The following PPARGC1A variants were observed in gnomAD, a reference collection of about 807,000 sequenced individuals.
PPARGC1A encodes the protein PPARG coactivator 1 alpha.
PPARGC1A carries 25 observed loss-of-function variants against 88.7 expected under a neutral mutation model. That is an observed-to-expected ratio of 0.28 (90% CI 0.21 to 0.39). The LOEUF (loss-of-function observed/expected upper bound fraction) is 0.39, where lower values mean the gene tolerates loss of function less well. Ranked by LOEUF, PPARGC1A falls within the 10% of genes least tolerant of loss-of-function variation. PPARGC1A has a pLI of 1.00. For missense variants in PPARGC1A, 880 were observed against 968.7 expected, an observed-to-expected ratio of 0.91 and a Z score of 1.22; for synonymous variants, 363 against 355.6, an observed-to-expected ratio of 1.02 and a Z score of -0.24.
At chr4:24,318,574 T>A in the PPARGC1A span, among the ~76,000 whole-genome samples, 2 of 152,362 alleles carry the variant, frequency 1.3e-5, no homozygotes, top group African/African-American at 4.8e-5. Context: ...TGAGAATGCC[T>A]ATTCTTAGTC....
At chr4:24,176,104 T>C in the PPARGC1A span, among the ~76,000 whole-genome samples, 1 of 152,212 alleles carries the variant, frequency 6.6e-6, no homozygotes, top group African/African-American at 2.4e-5. Context: ...TCAGAGCTTT[T>C]AGACCAGCGT....
At chr4:23,870,299 T>C (rs908445993) in intron 2 of PPARGC1A, among the ~76,000 whole-genome samples, 2 of 152,222 alleles carry the variant, frequency 1.3e-5, no homozygotes, top group Admixed American at 6.5e-5. Context: ...TTACATATTT[T>C]CCCCACTTTA....
the PPARGC1A span, among the ~76,000 whole-genome samples, chr4:24,136,160 T>C: frequency 6.6e-6 from 1 of 152,180 alleles, no homozygotes; most frequent in African/African-American, 2.4e-5. Flanking sequence ...AGCCAACATA[T>C]GGAGAAGCTG....
At chr4:24,100,516 T>C in the PPARGC1A span, among the ~76,000 whole-genome samples, 1 of 152,154 alleles carries the variant, frequency 6.6e-6, no homozygotes, top group African/African-American at 2.4e-5. Context: ...TTCCACTTAA[T>C]AGTTCAGAAA....
the PPARGC1A span, among the ~76,000 whole-genome samples, chr4:24,440,174 G>A: frequency 1.3e-5 from 2 of 152,202 alleles, no homozygotes; most frequent in Admixed American, 1.3e-4. Flanking sequence ...TATTGTGGTG[G>A]TGATGGTGAA....
intron 10 of PPARGC1A, among the ~76,000 whole-genome samples, chr4:23,805,243 A>AG (rs1719591106): frequency 6.6e-6 from 1 of 151,972 alleles, no homozygotes; most frequent in African/African-American, 2.4e-5. Flanking sequence ...AAAAAAAAAA[A>AG]CCTTGCTCAA....
At chr4:24,236,334 T>C in the PPARGC1A span, among the ~76,000 whole-genome samples, 9 of 152,258 alleles carry the variant, frequency 5.9e-5, no homozygotes, top group Admixed American at 3.9e-4. Context: ...AAGGTAGTCA[T>C]AAAATGGGAC....
the PPARGC1A span, among the ~76,000 whole-genome samples, chr4:24,192,060 G>T: frequency 1.3e-5 from 2 of 152,112 alleles, no homozygotes; most frequent in Non-Finnish European, 2.9e-5. Flanking sequence ...TTATATGTTT[G>T]ATCCATGGCT....
chr4:24,127,135 C>G, the PPARGC1A span, among the ~76,000 whole-genome samples: 1 of 152,164 alleles, frequency 6.6e-6, no homozygotes, highest in Non-Finnish European at 1.5e-5. Flanking sequence ...TTTTGTCTGC[C>G]TCATCAAGAA....
At chr4:23,837,941 G>A (rs1006988833) in intron 2 of PPARGC1A, among the ~76,000 whole-genome samples, 18 of 152,136 alleles carry the variant, frequency 1.2e-4, no homozygotes, top group African/African-American at 3.9e-4. Flanking sequence ...TGGTTCTGAT[G>A]CATAAAGTTT....
the PPARGC1A span, among the ~76,000 whole-genome samples, chr4:24,141,058 C>T: frequency 1.3e-5 from 2 of 152,198 alleles, no homozygotes; most frequent in Admixed American, 1.3e-4. Context: ...CAAACACAGG[C>T]TTCGAACAGC....
At chr4:24,461,478 A>C in the PPARGC1A span, among the ~76,000 whole-genome samples, 6 of 152,220 alleles carry the variant, frequency 3.9e-5, no homozygotes, top group Non-Finnish European at 8.8e-5. Flanking sequence ...AGAGAAAGAA[A>C]GAGGGAGAGA....
chr4:24,385,982 G>A, the PPARGC1A span, among the ~76,000 whole-genome samples: 21 of 152,180 alleles, frequency 1.4e-4, no homozygotes, highest in Admixed American at 9.8e-4. Flanking sequence ...ACATCAGTGC[G>A]AAAATTCTCA....
chr4:23,911,283 A>C, the PPARGC1A span, among the ~76,000 whole-genome samples: 1 of 152,182 alleles, frequency 6.6e-6, no homozygotes, highest in East Asian at 1.9e-4. Context: ...AGGAAAAATG[A>C]TCACCTTTGT....
chr4:24,370,783 C>CTTTTTG, the PPARGC1A span, among the ~76,000 whole-genome samples: 1 of 64,460 alleles, frequency 1.6e-5, no homozygotes, highest in African/African-American at 6.4e-5. Flanking sequence ...TTTTTTTTTA[C>CTTTTTG]TTTAAGTTCT....
the PPARGC1A span, among the ~76,000 whole-genome samples, chr4:24,454,737 CAA>C: frequency 7.1e-6 from 1 of 141,766 alleles, no homozygotes; most frequent in African/African-American, 2.5e-5. Flanking sequence ...GACCTTGTCT[CAA>C]AAAAAAAAAA....
chr4:24,022,294 C>T, the PPARGC1A span, among the ~76,000 whole-genome samples: 1 of 152,068 alleles, frequency 6.6e-6, no homozygotes, highest in Admixed American at 6.5e-5. Flanking sequence ...TATCACTGGA[C>T]CGATGTGTCT....
the PPARGC1A span, among the ~76,000 whole-genome samples, chr4:24,355,198 T>G: frequency 1.9e-3 from 285 of 152,240 alleles, 3 homozygotes; most frequent in African/African-American, 6.5e-3. Context: ...CAAACCGATT[T>G]TAAAAGCCTT....
chr4:24,141,995 A>G, the PPARGC1A span, among the ~76,000 whole-genome samples: 1 of 152,236 alleles, frequency 6.6e-6, no homozygotes, highest in Non-Finnish European at 1.5e-5. Flanking sequence ...AAACTAATTT[A>G]TGAACCTTTC....
Sources: gnomAD v4.1 joint callset for allele counts (sites outside exome capture counted in the v4.1 genomes callset) on GRCh38, gnomAD v4.1.1 for gene constraint, MANE v1.5 for transcripts, NCBI Gene and HGNC (gene_info 2026-07-23, HGNC 2026-07-21) for gene names.